The following VAC14 variants were observed in gnomAD, a reference collection of about 807,000 sequenced individuals.
The protein encoded by VAC14 is protein VAC14 homolog.
A neutral mutation model predicts 85.3 loss-of-function variants in VAC14; 47 were observed. The ratio of observed to expected loss-of-function variants is 0.55; its 90% CI spans 0.44 to 0.70. VAC14 has a LOEUF of 0.70. VAC14 is among the 30% of genes least tolerant of loss of function. The pLI is 0.00. For synonymous variants in VAC14, 447 were observed against 430.5 expected, an observed-to-expected ratio of 1.04 and a Z score of -0.47; for missense variants, 861 against 1,004.3, an observed-to-expected ratio of 0.86 and a Z score of 1.93.
rs201743994 is a variant in VAC14, at chr16:70,762,868, G to C, written c.1305+13C>G. ...CAGAAGAGGCCCCTGGCTTGGAGGG[G>C]CCCAGGGCTCACCTTCCGAGGAGTT... On this transcript the variant is annotated intron_variant, in intron 11 of 18. Coordinates refer to ENST00000261776, the MANE Select transcript of VAC14 (RefSeq NM_018052.5). This position sits in a 1 kb window ranked among gnomAD's most constrained non-coding sequence, Gnocchi z 4.1. 28 of 1,614,180 alleles carry C rather than the reference G, an allele frequency of 1.7e-5. No homozygotes were observed. In the East Asian group the frequency reaches 5.8e-4, roughly 33 times the overall value.
intron 17 of VAC14, among the ~76,000 whole-genome samples, chr16:70,694,522 C>T (rs540797074): frequency 2.6e-5 from 4 of 152,278 alleles, no homozygotes; most frequent in South Asian, 2.1e-4. Flanking sequence ...GGGATGGGAA[C>T]GGGTGTTCTT....
In VAC14 at chr16:70,800,955, C is replaced by T. The variant is rs1000880841; in HGVS notation, c.-55G>A. On this transcript the variant is annotated 5_prime_UTR_variant, in exon 1 of 19. Transcript: ENST00000261776. ...TTAGCCCGCGGCTGCCGGGGCCGCG[C>T]CGGGGCCAGGGGAGTCTGCGGCTCC... 3 of 1,391,296 alleles carry T rather than the reference C, an allele frequency of 2.2e-6. No individual in the cohort carries two copies. In the Admixed American group the frequency reaches 6.5e-5, roughly 30 times the overall value. The allele number at this position is 1,391,296 out of a possible 1,614,324, so 86.2% of individuals were successfully genotyped here.
At chr16:70,775,186 T>C (rs2033457615) in intron 9 of VAC14, among the ~76,000 whole-genome samples, 2 of 152,204 alleles carry the variant, frequency 1.3e-5, no homozygotes, top group African/African-American at 4.8e-5. Flanking sequence ...ATTATTTATA[T>C]TGTTGTTCAA....
intron 14 of VAC14, among the ~76,000 whole-genome samples, chr16:70,702,103 A>T (rs1597857815): frequency 6.6e-6 from 1 of 151,500 alleles, no homozygotes; most frequent in Admixed American, 6.6e-5. Flanking sequence ...AGGTGCACTG[A>T]CCCTCCACCC....
At chr16:70,783,640 A>G (rs893396997) in intron 5 of VAC14, 86 bp from the exon 6 acceptor site, 5 of 1,347,288 alleles carry the variant, frequency 3.7e-6, no homozygotes, top group East Asian at 4.6e-5. Context: ...GGCTGTAGGA[A>G]GGGGACCCTG....
intron 15 of VAC14, among the ~76,000 whole-genome samples, chr16:70,697,791 G>T (rs1174673598): frequency 6.6e-6 from 1 of 152,242 alleles, no homozygotes; most frequent in Non-Finnish European, 1.5e-5. Context: ...AGGAACCACA[G>T]GAGGGAGGCA....
At position 70,692,827 on chromosome 16, in the gene VAC14, T is replaced by G; in HGVS notation, c.2180A>C (p.Gln727Pro). 1 of 1,599,238 alleles carries G rather than the reference T, an allele frequency of 6.3e-7. No individual in the cohort carries two copies. Among genetic ancestry groups the G allele is most frequent in the Non-Finnish European group, 8.5e-7 (1 of 1,175,328 alleles). The change falls in exon 18 of 19, where the codon CAG (glutamine) becomes CCG (proline). Residue 727 changes from glutamine (Q) to proline (P), a missense_variant. Gln to Pro is a moderately conservative substitution (Grantham distance 76, BLOSUM62 -1). This residue lies in a region of VAC14 where 163 missense variants were observed against 162.2 expected (regional missense o/e 1.00). Transcript: ENST00000261776. ...LQCVPNPELL[Q>P]TEDSLKAAPK... ...GTCCCCAGCCGGCACTCACTCGGTC[T>G]GCAGCAGCTCAGGGTTGGGCACGCA...
intron 12 of VAC14, among the ~76,000 whole-genome samples, chr16:70,746,865 A>T (rs1249500736): frequency 6.6e-6 from 1 of 151,310 alleles, no homozygotes; most frequent in Non-Finnish European, 1.5e-5. Flanking sequence ...CAGGAAATGG[A>T]GGTGGGGGGA....
chr16:70,777,515 C>T (rs560144973), intron 9 of VAC14, among the ~76,000 whole-genome samples: 5 of 152,298 alleles, frequency 3.3e-5, no homozygotes, highest in South Asian at 2.1e-4. Flanking sequence ...AATCAGGTCA[C>T]GTCCTGGAGG....
At chr16:70,722,423 C>T (rs910303614) in intron 14 of VAC14, among the ~76,000 whole-genome samples, 1 of 152,256 alleles carries the variant, frequency 6.6e-6, no homozygotes, top group Non-Finnish European at 1.5e-5. Flanking sequence ...GGCGGCCTTT[C>T]ACAAACCGCA....
Position 70,741,903 on chromosome 16 carries a change from C to T in VAC14, c.1528+2520G>A, listed in dbSNP as rs576632535. ...GCCCCTGGCCCTGCCGCCCAAGCAGCGCAAAGGGCTTGATGCTGCAGGGCC... is the reference window on the plus strand; with the variant it reads ...GCCCCTGGCCCTGCCGCCCAAGCAGTGCAAAGGGCTTGATGCTGCAGGGCC... On this transcript the variant is annotated intron_variant, in intron 13 of 18. Coordinates refer to ENST00000261776, the MANE Select transcript of VAC14 (RefSeq NM_018052.5). Among the ~76,000 whole-genome samples, 7 of 152,278 alleles carry T rather than the reference C, an allele frequency of 4.6e-5. No homozygotes were observed. In the South Asian group the frequency reaches 8.3e-4, roughly 18 times the overall value.
chr16:70,752,012 T>C (rs2031430376), intron 12 of VAC14, among the ~76,000 whole-genome samples: 1 of 152,242 alleles, frequency 6.6e-6, no homozygotes, highest in African/African-American at 2.4e-5. Context: ...CCTAGACCCA[T>C]TTTATTTCCC....
At chr16:70,787,412 G>A (rs1210825510) in intron 1 of VAC14, among the ~76,000 whole-genome samples, 1 of 152,206 alleles carries the variant, frequency 6.6e-6, no homozygotes, top group African/African-American at 2.4e-5. Context: ...ACAGGGAGAG[G>A]AGCAGGTCGG....
chr16:70,788,474 A>G (rs2034173215), intron 1 of VAC14, among the ~76,000 whole-genome samples: 1 of 152,184 alleles, frequency 6.6e-6, no homozygotes, highest in Non-Finnish European at 1.5e-5. Context: ...ACTGTGGATG[A>G]ACCCAGGGCC....
At chr16:70,749,034 G>A (rs1401866553) in intron 12 of VAC14, among the ~76,000 whole-genome samples, 1 of 152,240 alleles carries the variant, frequency 6.6e-6, no homozygotes, top group African/African-American at 2.4e-5. Flanking sequence ...GGGAGCCTCA[G>A]TTTCCCTATA....
chr16:70,763,433 TA>T (rs1478885442), intron 10 of VAC14, among the ~76,000 whole-genome samples: 1 of 152,196 alleles, frequency 6.6e-6, no homozygotes, highest in African/African-American at 2.4e-5. Context: ...CTCAAGGCAT[TA>T]AGTTCAGACC....
Position 70,724,726 on chromosome 16 carries a change from A to G in VAC14, c.1661+6769T>C, listed in dbSNP as rs887088319. ...CCCTGGGCGGGGAACGGCTGTGGAAAGCTCCAGAAGATTCACACAAGGAGC... is the reference window on the plus strand; with the variant it reads ...CCCTGGGCGGGGAACGGCTGTGGAAGGCTCCAGAAGATTCACACAAGGAGC... On this transcript the variant is annotated intron_variant, in intron 14 of 18. Transcript: ENST00000261776. Among the ~76,000 whole-genome samples, 3 of 152,218 alleles carry G rather than the reference A, an allele frequency of 2.0e-5. No homozygotes were observed. In the East Asian group the frequency reaches 5.8e-4, roughly 29 times the overall value.
intron 14 of VAC14, chr16:70,731,237 G>A: frequency 8.4e-7 from 1 of 1,193,754 alleles, no homozygotes; most frequent in African/African-American, 1.5e-5. Context: ...TCCACCTCAG[G>A]GGAAGATAGT....
At chr16:70,761,665 C>T (rs1597961486) in intron 12 of VAC14, among the ~76,000 whole-genome samples, 1 of 152,324 alleles carries the variant, frequency 6.6e-6, no homozygotes, top group Non-Finnish European at 1.5e-5. Flanking sequence ...CCTCCCAGGC[C>T]AGCCTCTGTA....
Sources: gnomAD v4.1 joint callset for allele counts (sites outside exome capture counted in the v4.1 genomes callset) on GRCh38, gnomAD v4.1.1 for gene constraint, gnomAD v4.1.1 regional missense constraint, Gnocchi (gnomAD v3.1) non-coding constraint, MANE v1.5 for transcripts, NCBI Gene and HGNC (gene_info 2026-07-23, HGNC 2026-07-21) for gene names.